The following ANO10 variants were observed in gnomAD, a reference collection of about 807,000 sequenced individuals.
The protein encoded by ANO10 is anoctamin 10, also known as anoctamin-10.
ANO10 carries 77 observed loss-of-function variants against 74.7 expected under a neutral mutation model. The observed-to-expected ratio is 1.03, with a 90% CI of 0.86 to 1.25. The LOEUF (loss-of-function observed/expected upper bound fraction) is 1.25. Ranked by LOEUF, ANO10 falls within the 50% of genes most tolerant of loss-of-function variation. ANO10 has a pLI of 0.00. For synonymous variants in ANO10, 279 were observed against 284.9 expected (o/e 0.98, Z 0.21); for missense variants, 721 against 778.1 (o/e 0.93, Z 0.87).
At chr3:43,381,685 C>A (rs1027146146) in intron 12 of ANO10, among the ~76,000 whole-genome samples, 3 of 152,162 alleles carry the variant, frequency 2.0e-5, no homozygotes. Flanking sequence ...AACAAAGAAA[C>A]AACAGACTTA....
At chr3:43,689,230 T>C (rs895466615) in intron 1 of ANO10, 2 of 152,150 alleles carry the variant, frequency 1.3e-5, no homozygotes, top group African/African-American at 4.8e-5. Flanking sequence ...AACACCCAAA[T>C]TGTATCAGAG....
intron 10 of ANO10, chr3:43,551,665 A>G: frequency 2.3e-6 from 1 of 425,818 alleles, no homozygotes. Context: ...TCTTCCTGGT[A>G]ATTTGACACT....
intron 9 of ANO10, among the ~76,000 whole-genome samples, chr3:43,556,845 T>C (rs1575418839): frequency 1.3e-5 from 2 of 152,138 alleles, no homozygotes; most frequent in South Asian, 2.1e-4. Context: ...TCAAATTGTA[T>C]TGAACATACC....
intron 11 of ANO10, among the ~76,000 whole-genome samples, chr3:43,455,518 T>TG (rs1027307388): frequency 1.3e-5 from 2 of 151,576 alleles, no homozygotes; most frequent in African/African-American, 4.9e-5. Context: ...CCTTGAGGAA[T>TG]GGGGGGAAAT....
intron 1 of ANO10, among the ~76,000 whole-genome samples, chr3:43,608,224 G>C (rs142755773): frequency 1.3e-5 from 2 of 152,152 alleles, no homozygotes; most frequent in African/African-American, 4.8e-5. Context: ...GTACCTTGAA[G>C]GGCAATAATT....
intron 10 of ANO10, among the ~76,000 whole-genome samples, chr3:43,551,215 A>G (rs1395597750): frequency 6.6e-6 from 1 of 152,218 alleles, no homozygotes; most frequent in Non-Finnish European, 1.5e-5. Flanking sequence ...TAAATTCTGG[A>G]AAGTGAAATG....
chr3:43,622,476 C>G (rs1254524450), upstream of ANO10, among the ~76,000 whole-genome samples: 2 of 152,210 alleles, frequency 1.3e-5, no homozygotes, highest in African/African-American at 4.8e-5. Context: ...AGACCAGAAC[C>G]TAATTTTCTG....
chr3:43,415,529 T>TTTTCTTTC (rs559233670), intron 12 of ANO10, among the ~76,000 whole-genome samples: 1 of 151,752 alleles, frequency 6.6e-6, no homozygotes, highest in African/African-American at 2.4e-5. Context: ...AGTTCTTATT[T>TTTTCTTTC]TTTCTTTCTT....
At chr3:43,516,438 G>A (rs2077713774) in intron 11 of ANO10, among the ~76,000 whole-genome samples, 1 of 152,162 alleles carries the variant, frequency 6.6e-6, no homozygotes, top group Non-Finnish European at 1.5e-5. Flanking sequence ...AAAGCGTAGG[G>A]CGAAGGGAGA....
intron 12 of ANO10, among the ~76,000 whole-genome samples, chr3:43,399,769 C>T (rs2092446919): frequency 6.6e-6 from 1 of 152,178 alleles, no homozygotes; most frequent in African/African-American, 2.4e-5. Flanking sequence ...AGAAGAGCCC[C>T]CAGGGCACAG....
At chr3:43,388,362 T>G (rs1172197415) in intron 12 of ANO10, among the ~76,000 whole-genome samples, 1 of 152,102 alleles carries the variant, frequency 6.6e-6, no homozygotes, top group Non-Finnish European at 1.5e-5. Flanking sequence ...GCAGCCAGCA[T>G]TATGCACACA....
chr3:43,510,204 C>T (rs1182364710), intron 11 of ANO10, among the ~76,000 whole-genome samples: 10 of 151,962 alleles, frequency 6.6e-5, no homozygotes, highest in African/African-American at 2.4e-4. Flanking sequence ...GAGGCCAAGG[C>T]GGATCACCTG....
At chr3:43,630,351 G>C (rs1390793119) in intron 1 of ANO10, among the ~76,000 whole-genome samples, 1 of 152,078 alleles carries the variant, frequency 6.6e-6, no homozygotes. Context: ...CTCTACATGA[G>C]AGACACACCT....
intron 12 of ANO10, among the ~76,000 whole-genome samples, chr3:43,396,910 A>AT (rs969175532): frequency 2.0e-5 from 3 of 148,860 alleles, no homozygotes; most frequent in East Asian, 2.0e-4. Flanking sequence ...CATCCAGTGT[A>AT]TTTTTTTGTC....
intron 1 of ANO10, among the ~76,000 whole-genome samples, chr3:43,648,999 C>A (rs2083757876): frequency 6.6e-6 from 1 of 152,174 alleles, no homozygotes; most frequent in South Asian, 2.1e-4. Flanking sequence ...TTTACTGCAA[C>A]CTGTTTTATC....
chr3:43,677,164 G>T (rs978583885), intron 1 of ANO10, among the ~76,000 whole-genome samples: 1 of 152,160 alleles, frequency 6.6e-6, no homozygotes, highest in African/African-American at 2.4e-5. Flanking sequence ...GCCCCAAAAA[G>T]AATGAAATCA....
intron 2 of ANO10, among the ~76,000 whole-genome samples, chr3:43,600,894 A>G (rs2082311890): frequency 6.6e-6 from 1 of 152,174 alleles, no homozygotes; most frequent in Non-Finnish European, 1.5e-5. Context: ...AATATAGAAC[A>G]AAGATTGCAG....
At chr3:43,457,935 T>A (rs1448321246) in intron 11 of ANO10, among the ~76,000 whole-genome samples, 2 of 151,442 alleles carry the variant, frequency 1.3e-5, no homozygotes, top group Admixed American at 6.6e-5. Flanking sequence ...CCCCAACCCA[T>A]CCCCCACCCC....
At chr3:43,645,784 A>G (rs2083720031) in intron 1 of ANO10, among the ~76,000 whole-genome samples, 2 of 152,100 alleles carry the variant, frequency 1.3e-5, no homozygotes, top group South Asian at 4.2e-4. Flanking sequence ...AGGCTCTGGC[A>G]AAGTTATTTA....
Sources: allele counts gnomAD v4.1 joint callset (sites outside exome capture counted in the v4.1 genomes callset), GRCh38; gene constraint gnomAD v4.1.1; transcripts MANE v1.5; gene names NCBI Gene and HGNC (gene_info 2026-07-23, HGNC 2026-07-21).